The following CARD10 variants were observed in gnomAD, a reference collection of about 807,000 sequenced individuals.
CARD10 encodes the protein caspase recruitment domain-containing protein 10.
Under a neutral mutation model 114.6 loss-of-function variants are expected in CARD10, and 49 were observed. The observed-to-expected ratio is 0.43, with a 90% confidence interval of 0.34 to 0.54. CARD10 has a LOEUF of 0.54. CARD10 is among the 20% of genes least tolerant of loss of function. The probability of loss-of-function intolerance (pLI) is 0.03; values close to 1 mark genes in which losing one functional copy is unlikely to be tolerated. For missense variants in CARD10, 1,206 were observed against 1,397.2 expected (o/e 0.86, Z 2.18); for synonymous variants, 602 against 593.2 (o/e 1.01, Z -0.21).
At chr22:37,514,198 G>C (rs548433624) in intron 3 of CARD10, among the ~76,000 whole-genome samples, 1 of 152,210 alleles carries the variant, frequency 6.6e-6, no homozygotes, top group South Asian at 2.1e-4. Flanking sequence ...CTAGAAATGG[G>C]GAAGATAGTG....
intron 7 of CARD10, 26 bp from the exon 8 acceptor site, chr22:37,504,795 A>G (rs769601649): frequency 6.8e-7 from 1 of 1,468,396 alleles, no homozygotes; most frequent in Non-Finnish European, 9.1e-7. Flanking sequence ...GAGAGGAAGG[A>G]GGTGAGCAGT....
intron 2 of CARD10, 35 bp downstream of exon 2, chr22:37,517,936 T>C (rs1380807252): frequency 6.2e-7 from 1 of 1,601,460 alleles, no homozygotes; most frequent in African/African-American, 1.3e-5. Context: ...TGCACTGGAG[T>C]CCGAGGTGCC....
chr22:37,507,876 C>G lies in CARD10; in HGVS notation c.1144G>C (p.Ala382Pro). 1 of 1,614,184 alleles carries G rather than the reference C, an allele frequency of 6.2e-7. No homozygotes were observed. Among genetic ancestry groups the G allele is most frequent in the South Asian group, 1.1e-5 (1 of 91,088 alleles). ...TCCTCCAGTTGGGCCAGGACAGTGG[C>G]CATGCGGTGCTTGTACAGGTCACAG... ...KDCDLYKHRM[A>P]TVLAQLEEIE... Residue 382 changes from alanine (A) to proline (P), a missense_variant, in exon 6 of 20, where the codon GCC becomes CCC. Physicochemically the swap from Ala to Pro is conservative, Grantham distance 27. Transcript: ENST00000251973.
At chr22:37,497,972 C>T (rs929985167) in intron 11 of CARD10, among the ~76,000 whole-genome samples, 23 of 152,084 alleles carry the variant, frequency 1.5e-4, no homozygotes, top group African/African-American at 4.8e-4. Context: ...AGGCTTCCCA[C>T]GGAAGAAGTA....
chr22:37,510,437 T>C lies in CARD10; in HGVS notation c.700-16A>G, dbSNP rs771714278. 1 of 1,612,584 alleles carries C rather than the reference T, an allele frequency of 6.2e-7. No individual in the cohort carries two copies. The highest frequency in any genetic ancestry group is 8.5e-7 in the Non-Finnish European group (1 of 1,179,400). On this transcript the variant is annotated splice_polypyrimidine_tract_variant and intron_variant, in intron 3 of 19. Transcript: ENST00000251973. Reference sequence around the variant, plus strand: ...GCTGATCCACCTGGAGCCCAAGACATGGGTCAGCCCAGAGGGAGACACACT... The same window carrying C: ...GCTGATCCACCTGGAGCCCAAGACACGGGTCAGCCCAGAGGGAGACACACT...
Position 37,492,905 on chromosome 22 carries a change from C to T in CARD10, c.2477-103G>A, listed in dbSNP as rs1476916208. The T allele has an allele frequency of 1.3e-5, 16 of 1,227,350 alleles. No individual in the cohort carries two copies. The highest frequency in any genetic ancestry group is 1.0e-4 in the East Asian group (4 of 39,798). The allele number at this position is 1,227,350 out of a possible 1,614,324, so 76.0% of individuals were successfully genotyped here. Reference sequence around the variant, plus strand: ...CCCCGCCACCCATCCCTTCCTAAGTCCTGCTGCTGCTCCTCCTACACATGC... The same window carrying T: ...CCCCGCCACCCATCCCTTCCTAAGTTCTGCTGCTGCTCCTCCTACACATGC... On this transcript the variant is annotated intron_variant, in intron 16 of 19. Coordinates refer to ENST00000251973, the MANE Select transcript of CARD10 (RefSeq NM_014550.4). The surrounding 1 kb of genome is among the most constrained non-coding windows in gnomAD (Gnocchi z 5.7).
At chr22:37,517,535 G>A (rs999175230) in intron 2 of CARD10, among the ~76,000 whole-genome samples, 4 of 152,150 alleles carry the variant, frequency 2.6e-5, no homozygotes, top group South Asian at 2.1e-4. Flanking sequence ...CCAGCTACTC[G>A]GGAGGCTGAG....
chr22:37,491,532 GGAGA>G (rs1323662274), intron 19 of CARD10, 139 bp from the exon 20 acceptor site: 4 of 253,032 alleles, frequency 1.6e-5, no homozygotes, highest in Non-Finnish European at 2.7e-5. Context: ...AGATGGAGAT[GGAGA>G]GAGAGAGACA....
intron 16 of CARD10, 90 bp downstream of exon 16, chr22:37,493,996 A>C: frequency 1.0e-6 from 1 of 1,003,228 alleles, no homozygotes. Context: ...TCCAGGCCAA[A>C]GAGGCCACCC....
chr22:37,494,093 G>A lies in CARD10; in HGVS notation c.2469C>T (p.Pro823=). 1 of 1,554,826 alleles carries A rather than the reference G, an allele frequency of 6.4e-7. No individual in the cohort carries two copies. The highest frequency in any genetic ancestry group is 1.4e-5 in the African/African-American group (1 of 73,390). Residue 823 remains proline, a synonymous_variant, in exon 16 of 20, where the codon CCC becomes CCT. Coordinates refer to ENST00000251973, the MANE Select transcript of CARD10 (RefSeq NM_014550.4). ...GDSPDQLLLE[P]CAEPERSLRP... is the part of the protein sequence containing the mutation. ...TTGCCCCCGCGCACTCACCTGCACA[G>A]GGCTCCAGCAGCAGCTGATCCGGGG...
chr22:37,513,579 C>T (rs1051900521), intron 3 of CARD10, among the ~76,000 whole-genome samples: 5 of 152,150 alleles, frequency 3.3e-5, no homozygotes, highest in Admixed American at 6.5e-5. Context: ...CGCATCACAC[C>T]CAACCCAAAG....
chr22:37,517,531 A>T (rs903134130), intron 2 of CARD10, among the ~76,000 whole-genome samples: 1 of 151,980 alleles, frequency 6.6e-6, no homozygotes, highest in Admixed American at 6.6e-5. Context: ...AATCCCAGCT[A>T]CTCGGGAGGC....
At chr22:37,516,394 T>A in intron 2 of CARD10, 96 bp from the exon 3 acceptor site, 1 of 832,056 alleles carries the variant, frequency 1.2e-6, no homozygotes, top group Non-Finnish European at 1.8e-6. Context: ...ATAAAAACAC[T>A]AGAGGGAAAT....
At position 37,504,288 on chromosome 22, in the gene CARD10, T is replaced by A. The variant is rs935716333; in HGVS notation, c.1532A>T (p.Asp511Val). The change falls in exon 9 of 20, where the codon GAC (aspartate) becomes GTC (valine). Residue 511 changes from aspartate (D) to valine (V), a missense_variant. By Grantham distance (152) the Asp-to-Val change is radical. This residue lies in a region of CARD10 where 1,068 missense variants were observed against 1,179.1 expected (regional missense o/e 0.91). Transcript: ENST00000251973. ...PEPHNSEEAT[D>V]SEKEINRLSI... The stretch of plus-strand genomic sequence containing the variant: ...GAGCCGATTGATCTCCTTTTCACTG[T>A]CTGTGGCTTCCTCCTGCAATGCCAT... 3 of 1,545,960 alleles carry A rather than the reference T, an allele frequency of 1.9e-6. No individual in the cohort carries two copies. The African/African-American group carries it at 4.1e-5, about 21-fold the overall frequency.
At position 37,496,801 on chromosome 22, in the gene CARD10, T is replaced by C. The variant is rs928981846; in HGVS notation, c.1947+218A>G. ...TTTCTCGACTTGAAGCGCAGGAATG[T>C]AACGTGCTGTCAGTTGGCTCCACCT... On this transcript the variant is annotated intron_variant, in intron 12 of 19. Transcript: ENST00000251973. This position sits in a 1 kb window ranked among gnomAD's most constrained non-coding sequence, Gnocchi z 4.1. 1.5e-6 allele frequency: 1 copy of C among 655,952 alleles called. No homozygotes were observed. The highest frequency in any genetic ancestry group is 2.6e-6 in the Non-Finnish European group (1 of 384,806). The allele number at this position is 655,952 out of a possible 1,614,324, so 40.6% of individuals were successfully genotyped here. A position where few individuals can be genotyped will look rare whatever the true frequency, so the allele number is the denominator to read the frequency against.
intron 1 of CARD10, among the ~76,000 whole-genome samples, 153 bp from the exon 2 acceptor site, chr22:37,518,261 G>A (rs55941550): frequency 0.099 from 15,106 of 152,114 alleles, 1,453 homozygotes; most frequent in African/African-American, 0.25. Context: ...TCAGGGAAGA[G>A]AAGAGAGCCA....
intron 1 of CARD10, among the ~76,000 whole-genome samples, chr22:37,518,354 C>T (rs2145779038): frequency 1.3e-5 from 2 of 152,304 alleles, no homozygotes; most frequent in Middle Eastern, 3.4e-3. Context: ...ACACAGATGC[C>T]GGCCCGCAAA....
At chr22:37,514,158 A>ACCAACTTC (rs1923756639) in intron 3 of CARD10, among the ~76,000 whole-genome samples, 1 of 151,852 alleles carries the variant, frequency 6.6e-6, no homozygotes, top group Non-Finnish European at 1.5e-5. Context: ...AAGTGCTCTA[A>ACCAACTTC]CCAACTTCTC....
At position 37,506,460 on chromosome 22, in the gene CARD10, G is replaced by C. The variant is rs998095175; in HGVS notation, c.1192-77C>G. Reference sequence around the variant, plus strand: ...TTTCCTGGCCTATGACTTGGAGAATGGGGACAGTAAGGAGAATGGCAGCTA... The same window carrying C: ...TTTCCTGGCCTATGACTTGGAGAATCGGGACAGTAAGGAGAATGGCAGCTA... On this transcript the variant is annotated intron_variant, in intron 6 of 19. Transcript: ENST00000251973. The C allele has an allele frequency of 2.2e-4, 252 of 1,143,550 alleles. 1 individual carries two copies. The African/African-American group carries it at 3.6e-3, about 17-fold the overall frequency. The allele number at this position is 1,143,550 out of a possible 1,614,324, so 70.8% of individuals were successfully genotyped here. A position where few individuals can be genotyped will look rare whatever the true frequency, so the allele number is the denominator to read the frequency against.
Sources: gnomAD v4.1 joint callset for allele counts (sites outside exome capture counted in the v4.1 genomes callset) on GRCh38, gnomAD v4.1.1 for gene constraint, gnomAD v4.1.1 regional missense constraint, Gnocchi (gnomAD v3.1) non-coding constraint, MANE v1.5 for transcripts, NCBI Gene and HGNC (gene_info 2026-07-23, HGNC 2026-07-21) for gene names.